Variants in TBC1D16 observed in about 807,000 individuals in gnomAD.
TBC1D16 encodes the protein TBC1 domain family member 16.
TBC1D16 carries 58 observed loss-of-function variants against 74.7 expected under a neutral mutation model. The observed-to-expected ratio is 0.78, with a 90% CI of 0.63 to 0.97. TBC1D16 has a LOEUF of 0.97. TBC1D16 is among the 50% of genes least tolerant of loss of function. The pLI is 0.00. For synonymous variants in TBC1D16, 493 were observed against 474.7 expected (o/e 1.04, Z -0.50); for missense variants, 1,014 against 1,079.5 (o/e 0.94, Z 0.85).
At chr17:79,957,752 G>A (rs981727099) in intron 3 of TBC1D16, among the ~76,000 whole-genome samples, 2 of 151,836 alleles carry the variant, frequency 1.3e-5, no homozygotes, top group Non-Finnish European at 2.9e-5. Context: ...CACTCTGGTG[G>A]GGGAGGCTGT....
At position 80,023,004 on chromosome 17, in the gene TBC1D16, T is replaced by A. The variant is rs561244693; in HGVS notation, c.-62-9395A>T. ...GCCTTGGCCGTGACCCGGAGGCCTA[T>A]GTGGTTTGGCCCACCTCATGGTCCA... is the stretch of plus-strand genomic sequence containing the variant. On this transcript the variant is annotated intron_variant, in intron 1 of 11. Coordinates refer to ENST00000310924, the MANE Select transcript of TBC1D16 (RefSeq NM_019020.4). 4.0e-5 allele frequency among the ~76,000 whole-genome samples: 6 copies of A among 150,148 alleles called. No individual in the cohort carries two copies. The East Asian group carries it at 1.2e-3, about 29-fold the overall frequency.
At chr17:79,999,975 G>A (rs891139579) in intron 3 of TBC1D16, among the ~76,000 whole-genome samples, 10 of 152,124 alleles carry the variant, frequency 6.6e-5, no homozygotes, top group African/African-American at 1.7e-4. Flanking sequence ...TCTAGGGGTC[G>A]ACGAGGCTGG....
intron 3 of TBC1D16, among the ~76,000 whole-genome samples, chr17:79,976,873 C>T (rs896365664): frequency 6.6e-6 from 1 of 152,188 alleles, no homozygotes; most frequent in African/African-American, 2.4e-5. Context: ...GGCTGCTGCT[C>T]CATCCCAGCC....
At chr17:79,997,689 T>C (rs149289097) in intron 3 of TBC1D16, among the ~76,000 whole-genome samples, 10 of 152,360 alleles carry the variant, frequency 6.6e-5, no homozygotes, top group Non-Finnish European at 1.5e-4. Context: ...GTACATTTGC[T>C]GTAACTGATG....
intron 1 of TBC1D16, among the ~76,000 whole-genome samples, chr17:80,031,669 A>G (rs967506216): frequency 5.3e-5 from 8 of 152,176 alleles, no homozygotes; most frequent in Admixed American, 5.2e-4. Context: ...AGTAGATTGT[A>G]AAATCCCATT....
chr17:79,989,529 C>T (rs1598395668), intron 3 of TBC1D16, among the ~76,000 whole-genome samples: 1 of 152,222 alleles, frequency 6.6e-6, no homozygotes, highest in Non-Finnish European at 1.5e-5. Context: ...GTCATAAATA[C>T]GAGTTGTCGT....
intron 3 of TBC1D16, among the ~76,000 whole-genome samples, chr17:79,959,596 G>A (rs2033500251): frequency 6.6e-6 from 1 of 152,132 alleles, no homozygotes; most frequent in Admixed American, 6.5e-5. Context: ...TTACAAAAGT[G>A]CAAAGACAAT....
intron 3 of TBC1D16, among the ~76,000 whole-genome samples, chr17:79,974,059 G>A (rs2034229570): frequency 6.6e-6 from 1 of 152,100 alleles, no homozygotes; most frequent in South Asian, 2.1e-4. Flanking sequence ...GGTGCTGTGG[G>A]GCCATTATTC....
intron 10 of TBC1D16, chr17:79,943,821 G>A: frequency 7.5e-7 from 1 of 1,339,176 alleles, no homozygotes; most frequent in South Asian, 1.5e-5. Flanking sequence ...GGTAACATCA[G>A]CCTGAACGTA....
At chr17:80,023,246 AG>A (rs2036346117) in intron 1 of TBC1D16, among the ~76,000 whole-genome samples, 1 of 150,114 alleles carries the variant, frequency 6.7e-6, no homozygotes, top group African/African-American at 2.5e-5. Context: ...GAAATTCACC[AG>A]ATGTCCCTTC....
intron 3 of TBC1D16, among the ~76,000 whole-genome samples, chr17:79,976,464 C>CGT (rs916786448): frequency 7.9e-5 from 12 of 152,342 alleles, no homozygotes; most frequent in African/African-American, 2.9e-4. Flanking sequence ...TGTGTGTGCA[C>CGT]GTGTGTGTGT....
At chr17:79,942,531 T>TGGGGG (rs59043351) in intron 10 of TBC1D16, among the ~76,000 whole-genome samples, 3 of 55,088 alleles carry the variant, frequency 5.4e-5, no homozygotes, top group African/African-American at 1.2e-4. Flanking sequence ...AGGGTGGGGG[T>TGGGGG]GGGGGGGTAC....
At position 79,942,210 on chromosome 17, in the gene TBC1D16, T is replaced by A; in HGVS notation, c.1909-4A>T. 6.3e-7 allele frequency: 1 copy of A among 1,585,522 alleles called. No homozygotes were observed. The highest frequency in any genetic ancestry group is 8.6e-7 in the Non-Finnish European group (1 of 1,165,352). The stretch of plus-strand genomic sequence containing the variant: ...TGAAAAGGTGGAAGTAGTCCGTCTG[T>A]GGAGGCGGGTAGAGTTCAGACACGG... On this transcript the variant is annotated splice_region_variant and splice_polypyrimidine_tract_variant and intron_variant, in intron 10 of 11. Coordinates refer to ENST00000310924, the MANE Select transcript of TBC1D16 (RefSeq NM_019020.4).
At chr17:79,945,286 T>G (rs916807138) in intron 9 of TBC1D16, among the ~76,000 whole-genome samples, 199 bp from the exon 10 acceptor site, 6 of 152,212 alleles carry the variant, frequency 3.9e-5, no homozygotes, top group Non-Finnish European at 5.9e-5. Flanking sequence ...CCTCTGCCAG[T>G]TCCTCCCAGA....
chr17:80,022,096 CG>C (rs1386278064), intron 1 of TBC1D16, among the ~76,000 whole-genome samples: 3 of 149,738 alleles, frequency 2.0e-5, no homozygotes, highest in African/African-American at 5.1e-5. Context: ...AGCTAAAGAT[CG>C]TTAAACATTG....
chr17:80,030,270 C>T (rs965419648), intron 1 of TBC1D16, among the ~76,000 whole-genome samples: 4 of 152,176 alleles, frequency 2.6e-5, no homozygotes, highest in Non-Finnish European at 4.4e-5. Flanking sequence ...CTCTGACCTG[C>T]TCACCCACTG....
rs2031474418 is a variant in TBC1D16, at chr17:79,934,699, GCA to G, written c.*6158_*6159del. 1 of 152,392 alleles carries G rather than the reference GCA, an allele frequency of 6.6e-6. No homozygotes were observed. The highest frequency in any genetic ancestry group is 2.1e-4 in the South Asian group (1 of 4,840). The allele number at this position is 152,392 out of a possible 1,614,324, so 9.4% of individuals were successfully genotyped here. On this transcript the variant is annotated 3_prime_UTR_variant, in exon 12 of 12. Transcript: ENST00000310924. ...ACCTGCCCAGCCAGCCTTGGGAGGG[GCA>G]CCCCTGGGCATGTGGAGAGGAGGTG... is the stretch of plus-strand genomic sequence containing the variant.
chr17:79,949,917 A>C, intron 6 of TBC1D16, 52 bp from the exon 7 acceptor site: 1 of 1,587,326 alleles, frequency 6.3e-7, no homozygotes, highest in Non-Finnish European at 8.6e-7. Context: ...CAGCTCAAAG[A>C]ACCCCCAAAT....
rs779272520 is a variant in TBC1D16, at chr17:79,952,739, G to T, written c.859C>A (p.Gln287Lys). The T allele has an allele frequency of 6.2e-7, 1 of 1,612,218 alleles. No homozygotes were observed. The highest frequency in any genetic ancestry group is 1.3e-5 in the African/African-American group (1 of 74,946). Residue 287 changes from glutamine to lysine, a missense_variant, in exon 4 of 12, where the codon CAG (glutamine) becomes AAG (lysine). By Grantham distance (53) the Gln-to-Lys change is moderately conservative. Coordinates refer to ENST00000310924, the MANE Select transcript of TBC1D16 (RefSeq NM_019020.4). ...ATCTGCTCCAGGGCGCACACCCGCT[G>T]CGGCTCGTCCCAGCGTGGGGTCTGC... is the stretch of plus-strand genomic sequence containing the variant. The part of the protein sequence containing the change: ...LLQTPRWDEP[Q>K]RVCALEQICG...
Sources: allele counts gnomAD v4.1 joint callset (sites outside exome capture counted in the v4.1 genomes callset), GRCh38; gene constraint gnomAD v4.1.1; transcripts MANE v1.5; gene names NCBI Gene and HGNC (gene_info 2026-07-23, HGNC 2026-07-21).